The following NRXN3 variants were observed in gnomAD, a reference collection of about 807,000 sequenced individuals.
The protein encoded by NRXN3 is neurexin 3.
Under a neutral mutation model 137.6 loss-of-function variants are expected in NRXN3, and 32 were observed. The ratio of observed to expected loss-of-function variants is 0.23; its 90% confidence interval spans 0.18 to 0.31. The LOEUF (loss-of-function observed/expected upper bound fraction) is 0.31, where lower values mean the gene tolerates loss of function less well. NRXN3 is among the 10% of genes least tolerant of loss of function. NRXN3 has a pLI of 1.00. For synonymous variants in NRXN3, 798 were observed against 784.5 expected (o/e 1.02, Z -0.29); for missense variants, 1,574 against 2,062.5 (o/e 0.76, Z 4.59).
rs566508151 is a variant in NRXN3 at position 78,223,310 on chromosome 14, G to A, written c.-703-19081G>A. Among the ~76,000 whole-genome samples, 6 of 152,312 alleles carry A rather than the reference G, an allele frequency of 3.9e-5. No individual in the cohort carries two copies. In the South Asian group the frequency reaches 1.2e-3, roughly 32 times the overall value. ...GAAAATAGTCTGATGCTTCTAAAAT[G>A]TATGTTTTTCTTTCTTTTCTCTTTT... On this transcript the variant is annotated intron_variant, in intron 1 of 20. Transcript: ENST00000335750.
chr14:78,794,132 A>G (rs1316240792), intron 8 of NRXN3, among the ~76,000 whole-genome samples: 3 of 152,174 alleles, frequency 2.0e-5, no homozygotes, highest in Non-Finnish European at 2.9e-5. Flanking sequence ...CGTAATCACA[A>G]CACTTTGGGA....
chr14:78,583,291 A>G (rs1357469417), intron 4 of NRXN3, among the ~76,000 whole-genome samples: 5 of 152,138 alleles, frequency 3.3e-5, no homozygotes, highest in African/African-American at 1.2e-4. Context: ...TTGTCCACTA[A>G]AATATTAAAT....
At chr14:78,922,331 T>G (rs1252262316) in intron 10 of NRXN3, among the ~76,000 whole-genome samples, 4 of 152,222 alleles carry the variant, frequency 2.6e-5, no homozygotes, top group Non-Finnish European at 5.9e-5. Context: ...CAGAATATAA[T>G]TAGGTATAGA....
At chr14:78,837,508 T>A (rs2099000471) in intron 10 of NRXN3, among the ~76,000 whole-genome samples, 1 of 151,860 alleles carries the variant, frequency 6.6e-6, no homozygotes, top group Non-Finnish European at 1.5e-5. Context: ...TTTTTTTCTC[T>A]TTGAGAATGT....
At chr14:79,804,732 T>C (rs1457466140) in intron 19 of NRXN3, among the ~76,000 whole-genome samples, 4 of 152,204 alleles carry the variant, frequency 2.6e-5, no homozygotes, top group Admixed American at 2.6e-4. Flanking sequence ...TATGTCTGTG[T>C]TGCTTTGCAC....
At chr14:79,280,972 A>C in intron 15 of NRXN3, 1 of 169,822 alleles carries the variant, frequency 5.9e-6, no homozygotes. Context: ...AATAGCTGAC[A>C]ACAGGAATCA....
chr14:79,357,817 G>A (rs1345170880), intron 15 of NRXN3, among the ~76,000 whole-genome samples: 3 of 152,138 alleles, frequency 2.0e-5, no homozygotes, highest in Non-Finnish European at 4.4e-5. Context: ...GAATTGACAC[G>A]TCATGTTTTT....
chr14:79,258,045 A>T (rs1169748327), intron 15 of NRXN3, among the ~76,000 whole-genome samples: 1 of 152,124 alleles, frequency 6.6e-6, no homozygotes, highest in African/African-American at 2.4e-5. Context: ...TGATCTGTTT[A>T]AGTTAGTAAT....
intron 20 of NRXN3, among the ~76,000 whole-genome samples, chr14:79,815,981 C>G (rs546592336): frequency 1.1e-4 from 17 of 152,202 alleles, no homozygotes; most frequent in African/African-American, 4.1e-4. Flanking sequence ...GTTTTAACAA[C>G]CAGCTTACAA....
intron 4 of NRXN3, among the ~76,000 whole-genome samples, chr14:78,391,255 T>C: frequency 6.6e-6 from 1 of 152,128 alleles, no homozygotes; most frequent in East Asian, 1.9e-4. Context: ...GATAAGAAAG[T>C]CTGAGGTGCT....
chr14:79,325,156 A>G (rs2090666195), intron 15 of NRXN3, among the ~76,000 whole-genome samples: 1 of 152,136 alleles, frequency 6.6e-6, no homozygotes, highest in Non-Finnish European at 1.5e-5. Context: ...AATAAACATT[A>G]GAAATAGCTA....
chr14:78,805,273 G>A (rs1364546001), intron 9 of NRXN3, among the ~76,000 whole-genome samples: 1 of 151,626 alleles, frequency 6.6e-6, no homozygotes, highest in Admixed American at 6.6e-5. Flanking sequence ...TTTTGTTTGT[G>A]TATTGTGTGT....
At chr14:79,199,275 C>T (rs2065595709) in intron 15 of NRXN3, among the ~76,000 whole-genome samples, 1 of 151,456 alleles carries the variant, frequency 6.6e-6, no homozygotes, top group African/African-American at 2.4e-5. Context: ...CTATTTTTAC[C>T]TTATTCATTT....
At chr14:79,531,608 G>A (rs2097170166) in intron 16 of NRXN3, among the ~76,000 whole-genome samples, 1 of 152,066 alleles carries the variant, frequency 6.6e-6, no homozygotes, top group South Asian at 2.1e-4. Context: ...CAGAGAAAAA[G>A]CAATATGAAT....
chr14:78,569,530 G>GTCCAGAA (rs1335680136), intron 4 of NRXN3, among the ~76,000 whole-genome samples: 2 of 151,782 alleles, frequency 1.3e-5, no homozygotes, highest in Admixed American at 1.3e-4. Flanking sequence ...CTCCCAAAGT[G>GTCCAGAA]CTGGGATTAC....
intron 1 of NRXN3, among the ~76,000 whole-genome samples, chr14:78,216,641 A>G (rs752787986): frequency 2.9e-4 from 44 of 152,368 alleles, no homozygotes; most frequent in Non-Finnish European, 5.1e-4. Flanking sequence ...GAAAAGGAGC[A>G]TAGCTTTATG....
At chr14:79,296,832 G>A (rs375669932) in intron 15 of NRXN3, among the ~76,000 whole-genome samples, 1 of 152,148 alleles carries the variant, frequency 6.6e-6, no homozygotes, top group Non-Finnish European at 1.5e-5. Context: ...AATAAATTAA[G>A]CCTCTTTCTT....
At chr14:79,677,803 C>A (rs1047331419) in intron 17 of NRXN3, among the ~76,000 whole-genome samples, 4 of 152,152 alleles carry the variant, frequency 2.6e-5, no homozygotes, top group African/African-American at 9.6e-5. Flanking sequence ...CCCAGACCTT[C>A]ATGGACAATT....
intron 16 of NRXN3, among the ~76,000 whole-genome samples, chr14:79,526,592 C>A (rs1419002287): frequency 6.6e-6 from 1 of 152,126 alleles, no homozygotes; most frequent in Non-Finnish European, 1.5e-5. Context: ...ATATGTTCCG[C>A]CAATTCAACC....
Sources: allele counts gnomAD v4.1 joint callset (sites outside exome capture counted in the v4.1 genomes callset), GRCh38; gene constraint gnomAD v4.1.1; transcripts MANE v1.5; gene names NCBI Gene and HGNC (gene_info 2026-07-23, HGNC 2026-07-21).